Variants in MYO5A observed in about 807,000 individuals in gnomAD.
MYO5A encodes the protein myosin VA, also known as unconventional myosin-Va.
A neutral mutation model predicts 249.7 loss-of-function variants in MYO5A; 98 were observed. The observed-to-expected ratio is 0.39, with a 90% CI of 0.33 to 0.46. The LOEUF (loss-of-function observed/expected upper bound fraction) is 0.46, where lower values mean the gene tolerates loss of function less well. Among genes scored for constraint, MYO5A ranks in the 20% least tolerant of loss-of-function variants. MYO5A has a pLI of 0.98. For synonymous variants in MYO5A, 778 were observed against 810.6 expected (o/e 0.96, Z 0.68); for missense variants, 1,696 against 2,308.8 (o/e 0.73, Z 5.44).
chr15:52,424,649 G>A (rs1484142403), intron 4 of MYO5A, among the ~76,000 whole-genome samples: 1 of 152,146 alleles, frequency 6.6e-6, no homozygotes, highest in East Asian at 1.9e-4. Context: ...CCTGGCTGGA[G>A]AGGACAAAAT....
At chr15:52,372,436 T>C in intron 20 of MYO5A, 73 bp from the exon 21 acceptor site, 1 of 1,576,564 alleles carries the variant, frequency 6.3e-7, no homozygotes, top group Non-Finnish European at 8.6e-7. Flanking sequence ...TATGTCGGGC[T>C]GAAAATCCAC....
intron 9 of MYO5A, among the ~76,000 whole-genome samples, chr15:52,398,255 T>C (rs913595143): frequency 1.3e-5 from 2 of 152,222 alleles, no homozygotes; most frequent in African/African-American, 4.8e-5. Flanking sequence ...ATGACTTCCA[T>C]GATTTACATA....
chr15:52,358,247 C>A (rs930205710), intron 25 of MYO5A, among the ~76,000 whole-genome samples: 16 of 152,198 alleles, frequency 1.1e-4, no homozygotes, highest in African/African-American at 3.9e-4. Flanking sequence ...CTTCCCCCTA[C>A]CAGCAGAGCT....
intron 1 of MYO5A, among the ~76,000 whole-genome samples, chr15:52,495,555 C>G (rs936018826): frequency 1.3e-5 from 2 of 152,052 alleles, no homozygotes; most frequent in African/African-American, 4.8e-5. Flanking sequence ...GTGTTCTCAT[C>G]ACAAAAGAAA....
rs557135704 is a variant in MYO5A, at chr15:52,516,874, G to A, written c.27+11906C>T. On this transcript the variant is annotated intron_variant, in intron 1 of 41. Coordinates refer to ENST00000399233, the MANE Select transcript of MYO5A (RefSeq NM_001382347.1). ...TCAAACTAAAATTATATCATGTATAGTAATTTAGAAGCTTCATGTTTTTTC... is the reference window on the plus strand; with the variant it reads ...TCAAACTAAAATTATATCATGTATAATAATTTAGAAGCTTCATGTTTTTTC... Among the ~76,000 whole-genome samples the A allele has an allele frequency of 2.4e-4, 36 of 152,288 alleles. 1 individual carries two copies. The South Asian group carries it at 7.5e-3, about 32-fold the overall frequency.
At chr15:52,497,684 G>C (rs1262257864) in intron 1 of MYO5A, among the ~76,000 whole-genome samples, 2 of 147,620 alleles carry the variant, frequency 1.4e-5, no homozygotes, top group Admixed American at 6.8e-5. Flanking sequence ...TTGAACCCGG[G>C]AGGTGGAGGT....
chr15:52,463,698 A>C (rs1319518718), intron 1 of MYO5A, among the ~76,000 whole-genome samples: 1 of 152,214 alleles, frequency 6.6e-6, no homozygotes, highest in African/African-American at 2.4e-5. Flanking sequence ...ACTTCCTTTT[A>C]TTTGACCTGT....
At position 52,307,746 on chromosome 15, in the gene MYO5A, T is replaced by G. The variant is rs916977366; in HGVS notation, c.*5950A>C. 5 of 152,154 alleles carry G rather than the reference T, an allele frequency of 3.3e-5. No homozygotes were observed. Among genetic ancestry groups the G allele is most frequent in the Non-Finnish European group, 7.4e-5 (5 of 68,010 alleles). 9.4% of individuals were successfully genotyped at this position (152,154 alleles called of 1,614,324 possible). ...CCATTTTAGTTAAAAGGATGTCCAT[T>G]TCATAGTAAATTAATACAGTTAATA... is the stretch of plus-strand genomic sequence containing the variant. On this transcript the variant is annotated 3_prime_UTR_variant, in exon 42 of 42. Transcript: ENST00000399233.
intron 14 of MYO5A, among the ~76,000 whole-genome samples, chr15:52,386,581 G>A (rs140651668): frequency 8.4e-4 from 127 of 150,394 alleles, no homozygotes; most frequent in Admixed American, 6.1e-3. Context: ...ACAGAGTCTC[G>A]CTGTCTCCGA....
intron 8 of MYO5A, among the ~76,000 whole-genome samples, chr15:52,406,931 G>A (rs1432119185): frequency 6.6e-6 from 1 of 152,024 alleles, no homozygotes; most frequent in East Asian, 1.9e-4. Context: ...TTAGCTTCAG[G>A]TTTCAGATTT....
At chr15:52,439,528 A>T (rs1489655140) in intron 1 of MYO5A, among the ~76,000 whole-genome samples, 1 of 152,216 alleles carries the variant, frequency 6.6e-6, no homozygotes, top group Non-Finnish European at 1.5e-5. Flanking sequence ...TTCCTGGCCC[A>T]TAGTTTGTGG....
In MYO5A at chr15:52,330,509, A is replaced by T; in HGVS notation, c.4409-10T>A. On this transcript the variant is annotated splice_polypyrimidine_tract_variant and intron_variant, in intron 34 of 41. Transcript: ENST00000399233. ...TTCTCCATCTGGCCCACTTTATGAG[A>T]AGTAAGAAAGGAGGAGAAAATGTTT... 4 of 1,613,968 alleles carry T rather than the reference A, an allele frequency of 2.5e-6. No homozygotes were observed. Among genetic ancestry groups the T allele is most frequent in the Non-Finnish European group, 3.4e-6 (4 of 1,179,894 alleles).
intron 4 of MYO5A, among the ~76,000 whole-genome samples, chr15:52,424,167 A>G (rs1215943061): frequency 6.6e-6 from 1 of 152,196 alleles, no homozygotes; most frequent in Non-Finnish European, 1.5e-5. Context: ...AATAGATGGA[A>G]TTTTCTCAAT....
At chr15:52,460,106 G>C (rs1233602551) in intron 1 of MYO5A, among the ~76,000 whole-genome samples, 3 of 150,988 alleles carry the variant, frequency 2.0e-5, no homozygotes, top group African/African-American at 7.3e-5. Context: ...AGGCAGAGAC[G>C]CTCCTCACCT....
intron 35 of MYO5A, among the ~76,000 whole-genome samples, chr15:52,330,003 A>T (rs1338527568): frequency 9.6e-5 from 10 of 103,698 alleles, no homozygotes; most frequent in South Asian, 3.1e-4. Context: ...TTTTTTTTTT[A>T]AAGTACTAGA....
chr15:52,404,446 G>C (rs887793375), intron 9 of MYO5A, among the ~76,000 whole-genome samples: 19 of 151,912 alleles, frequency 1.3e-4, no homozygotes, highest in African/African-American at 4.4e-4. Flanking sequence ...TTACACAAGA[G>C]GCTATAGATC....
At chr15:52,518,496 C>T (rs1034323495) in intron 1 of MYO5A, among the ~76,000 whole-genome samples, 2 of 152,256 alleles carry the variant, frequency 1.3e-5, no homozygotes, top group East Asian at 3.9e-4. Flanking sequence ...TTAAGATATA[C>T]ATTTCCCAAT....
At chr15:52,521,613 C>T (rs1161379177) in intron 1 of MYO5A, among the ~76,000 whole-genome samples, 1 of 152,190 alleles carries the variant, frequency 6.6e-6, no homozygotes, top group East Asian at 1.9e-4. Context: ...CCCTTGATTT[C>T]AATCAAGTTT....
chr15:52,454,742 T>G (rs563578363), intron 1 of MYO5A, among the ~76,000 whole-genome samples: 22 of 151,974 alleles, frequency 1.4e-4, no homozygotes, highest in South Asian at 1.0e-3. Flanking sequence ...ATTTAAAAAA[T>G]TAAGATGGAA....
Sources: allele counts gnomAD v4.1 joint callset (sites outside exome capture counted in the v4.1 genomes callset), GRCh38; gene constraint gnomAD v4.1.1; transcripts MANE v1.5; gene names NCBI Gene and HGNC (gene_info 2026-07-23, HGNC 2026-07-21).